The following MTO1 variants were observed in gnomAD, a reference collection of about 807,000 sequenced individuals.
MTO1 encodes the protein 5-taurinomethyluridine-[tRNA] synthase subunit MTO1, mitochondrial.
MTO1 carries 46 observed loss-of-function variants against 71.6 expected under a neutral mutation model. The observed-to-expected ratio is 0.64, with a 90% confidence interval of 0.51 to 0.82. MTO1 has a LOEUF of 0.82. Ranked by LOEUF, MTO1 falls within the 40% of genes least tolerant of loss-of-function variation. The pLI, the probability that MTO1 is intolerant of heterozygous loss-of-function variation, is 0.00. For synonymous variants in MTO1, 297 were observed against 312.1 expected (o/e 0.95, Z 0.51); for missense variants, 773 against 867.5 (o/e 0.89, Z 1.37).
chr6:73,495,222 C>G (rs1197724083), intron 10 of MTO1, among the ~76,000 whole-genome samples: 1 of 152,118 alleles, frequency 6.6e-6, no homozygotes, highest in Non-Finnish European at 1.5e-5. Flanking sequence ...ATCAGAAACT[C>G]TAGAATTATT....
In MTO1 at chr6:73,501,272, C is replaced by A. The variant is rs961727167; in HGVS notation, c.*537C>A. On this transcript the variant is annotated 3_prime_UTR_variant, in exon 12 of 12. Coordinates refer to ENST00000498286, the MANE Select transcript of MTO1 (RefSeq NM_012123.4). ...TGAAAGTTGACAGAAATCTGTACTT[C>A]TTCAGGAAATCCTCACTGGTAATTG... 6.6e-6 allele frequency: 1 copy of A among 152,072 alleles called. No homozygotes were observed. The highest frequency in any genetic ancestry group is 2.4e-5 in the African/African-American group (1 of 41,364). The allele number at this position is 152,072 out of a possible 1,614,324, so 9.4% of individuals were successfully genotyped here.
rs1771829402 is a variant in MTO1 at position 73,492,235 on chromosome 6, G to C, written c.1639G>C (p.Ala547Pro). 6.2e-7 allele frequency: 1 copy of C among 1,600,898 alleles called. No homozygotes were observed. Among genetic ancestry groups the C allele is most frequent in the Non-Finnish European group, 8.6e-7 (1 of 1,168,270 alleles). The change falls in exon 10 of 12, where the codon GCT (alanine) becomes CCT (proline). Residue 547 changes from alanine (A) to proline (P), a missense_variant and splice_region_variant. Physicochemically the swap from Ala to Pro is conservative, Grantham distance 27 (BLOSUM62 -1). Transcript: ENST00000498286. Reference protein sequence around the residue: ...ISTSRSLPVRALDVLKYEEVD... With the variant: ...ISTSRSLPVRPLDVLKYEEVD... ...AATGAAACTTTCATATATTTGCAGA[G>C]CTCTCGATGTTCTGAAGTATGAGGA...
At chr6:73,470,602 C>T (rs1394200303) in intron 3 of MTO1, among the ~76,000 whole-genome samples, 1 of 151,944 alleles carries the variant, frequency 6.6e-6, no homozygotes, top group Non-Finnish European at 1.5e-5. Context: ...ATACTTAGGG[C>T]CAACAACTTA....
intron 3 of MTO1, 109 bp from the exon 4 acceptor site, chr6:73,473,256 C>T (rs1012439371): frequency 1.4e-5 from 17 of 1,197,346 alleles, no homozygotes; most frequent in Admixed American, 5.7e-5. Flanking sequence ...TCCAGCCTGG[C>T]GATAGAGTGA....
chr6:73,464,473 G>A (rs1183799207), intron 1 of MTO1, among the ~76,000 whole-genome samples: 24 of 151,996 alleles, frequency 1.6e-4, no homozygotes, highest in Admixed American at 1.6e-3. Flanking sequence ...TCCCTGTGGA[G>A]ACCATTAAAA....
intron 3 of MTO1, chr6:73,471,534 C>T (rs889289409): frequency 3.7e-5 from 16 of 430,634 alleles, no homozygotes; most frequent in Middle Eastern, 7.4e-4. Context: ...CCTGCCTCAG[C>T]CTCCTGTGTA....
intron 11 of MTO1, among the ~76,000 whole-genome samples, chr6:73,499,625 C>T (rs1483799356): frequency 6.6e-6 from 1 of 152,140 alleles, no homozygotes; most frequent in Non-Finnish European, 1.5e-5. Flanking sequence ...CTAGTGGCTA[C>T]CATATTGGAC....
rs1433678344 is a variant in MTO1, at chr6:73,507,967, ACT to A, written c.*7235_*7236del. On this transcript the variant is annotated 3_prime_UTR_variant, in exon 12 of 12. Transcript: ENST00000498286. ...ACTCTAGCCTGGGCGACAAAGCGAG[ACT>A]CTGTCTCAAAAAAAAAAAAAAAAAA... is the stretch of plus-strand genomic sequence containing the variant. 1 of 112,446 alleles carries A rather than the reference ACT, an allele frequency of 8.9e-6. No homozygotes were observed. The highest frequency in any genetic ancestry group is 1.8e-5 in the Non-Finnish European group (1 of 56,988). 7.0% of individuals were successfully genotyped at this position (112,446 alleles called of 1,614,324 possible).
chr6:73,480,063 G>A lies in MTO1; in HGVS notation c.1066G>A (p.Glu356Lys), dbSNP rs1012440521. 10 of 1,614,182 alleles carry A rather than the reference G, an allele frequency of 6.2e-6. No homozygotes were observed. The highest frequency in any genetic ancestry group is 8.5e-6 in the Non-Finnish European group (10 of 1,180,032). ...PQGLSMTLPAELQEKMITCIR... is the reference protein window; with the variant it reads ...PQGLSMTLPAKLQEKMITCIR... ...GGGGTTATCTATGACGCTACCAGCT[G>A]AGTTACAAGAGAAAATGATCACATG... The change falls in exon 6 of 12, where the codon GAG becomes AAG. Residue 356 changes from glutamate (E) to lysine (K), a missense_variant. Coordinates refer to ENST00000498286, the MANE Select transcript of MTO1 (RefSeq NM_012123.4).
At chr6:73,482,748 T>G (rs1001895220) in intron 9 of MTO1, 128 bp downstream of exon 9, 1 of 721,590 alleles carries the variant, frequency 1.4e-6, no homozygotes, top group Non-Finnish European at 2.1e-6. Flanking sequence ...GTTTTTGGCT[T>G]CTTTTCAAAA....
chr6:73,497,848 T>A lies in MTO1; in HGVS notation c.1869T>A (p.Ser623=), dbSNP rs754588347. The change falls in exon 11 of 12, where the codon TCT becomes TCA. Residue 623 remains serine (S), a synonymous_variant. Transcript: ENST00000498286. Reference sequence around the variant, plus strand: ...ATTATTTGACTATCAGGGATGTGTCTTTGTCCCATGAAGTTCGAGAGAAAC... The same window carrying A: ...ATTATTTGACTATCAGGGATGTGTCATTGTCCCATGAAGTTCGAGAGAAAC... The part of the protein sequence containing the change: ...DLDYLTIRDV[S]LSHEVREKLH... The A allele has an allele frequency of 1.9e-6, 3 of 1,613,814 alleles. No homozygotes were observed. The highest frequency in any genetic ancestry group is 2.5e-6 in the Non-Finnish European group (3 of 1,179,786).
At chr6:73,469,021 G>T (rs561524959) in intron 3 of MTO1, among the ~76,000 whole-genome samples, 9 of 150,322 alleles carry the variant, frequency 6.0e-5, no homozygotes, top group African/African-American at 2.0e-4. Flanking sequence ...TGCGTTTTTG[G>T]TTTTGGAGAC....
At chr6:73,468,478 T>A (rs1224027159) in intron 3 of MTO1, among the ~76,000 whole-genome samples, 2 of 152,144 alleles carry the variant, frequency 1.3e-5, no homozygotes, top group Non-Finnish European at 2.9e-5. Flanking sequence ...TCTCTCCTTC[T>A]GATATAATTA....
In MTO1 at chr6:73,466,337, C is replaced by T. The variant is rs770260720; in HGVS notation, c.346C>T (p.Arg116Trp). 2.4e-5 allele frequency: 39 copies of T among 1,613,896 alleles called. No individual in the cohort carries two copies. In the Middle Eastern group the frequency reaches 4.9e-4, roughly 20 times the overall value. The stretch of plus-strand genomic sequence containing the variant: ...TGGTGTACATTATAAAGTATTAAAC[C>T]GGCGTAAGGGACCAGCTGTGTGGGG... ...QSGVHYKVLN[R>W]RKGPAVWGLR... is the part of the protein sequence containing the mutation. The change falls in exon 2 of 12, where the codon CGG becomes TGG. Residue 116 changes from arginine to tryptophan, a missense_variant. Coordinates refer to ENST00000498286, the MANE Select transcript of MTO1 (RefSeq NM_012123.4).
intron 9 of MTO1, chr6:73,488,002 G>GT (rs2150040380): frequency 6.6e-6 from 1 of 152,254 alleles, no homozygotes; most frequent in South Asian, 2.1e-4. Flanking sequence ...GTCATCTTCT[G>GT]TTTTTTGATA....
At position 73,482,789 on chromosome 6, in the gene MTO1, CTTTTTTTTTTTTTT is replaced by C. The variant is rs35121302; in HGVS notation, c.1637+178_1637+191del. 8.7e-5 allele frequency among the ~76,000 whole-genome samples: 8 copies of C among 92,144 alleles called. No homozygotes were observed. The East Asian group carries it at 2.0e-3, about 23-fold the overall frequency. 60.5% of individuals were successfully genotyped at this position (92,144 alleles called of 152,430 possible). On this transcript the variant is annotated intron_variant, in intron 9 of 11. Coordinates refer to ENST00000498286, the MANE Select transcript of MTO1 (RefSeq NM_012123.4). ...TAGCTGTAACTCATCTTTTTTCTTTCTTTTTTTTTTTTTTTTTTTTTTGAGACAGTCTCGCTCTT... is the reference window on the plus strand; with the variant it reads ...TAGCTGTAACTCATCTTTTTTCTTTCTTTTTTTTGAGACAGTCTCGCTCTT...
chr6:73,489,724 T>A (rs145932696), intron 9 of MTO1, among the ~76,000 whole-genome samples: 2,417 of 152,248 alleles, frequency 0.016, 73 homozygotes, highest in African/African-American at 0.055. Context: ...TTTGCTATTG[T>A]GAATAGTGCC....
intron 11 of MTO1, among the ~76,000 whole-genome samples, chr6:73,499,348 G>T (rs932665908): frequency 9.9e-5 from 15 of 151,694 alleles, no homozygotes; most frequent in Admixed American, 9.2e-4. Context: ...GCCAATTGTG[G>T]TTATTTACAT....
chr6:73,496,883 T>C (rs1027903669), intron 10 of MTO1, among the ~76,000 whole-genome samples: 1 of 151,750 alleles, frequency 6.6e-6, no homozygotes, highest in Admixed American at 6.6e-5. Flanking sequence ...TGAAAACCCA[T>C]CTCTACTAAA....
Sources: allele counts gnomAD v4.1 joint callset (sites outside exome capture counted in the v4.1 genomes callset), GRCh38; gene constraint gnomAD v4.1.1; transcripts MANE v1.5; gene names NCBI Gene and HGNC (gene_info 2026-07-23, HGNC 2026-07-21).